Variants in ST8SIA1 observed in about 807,000 individuals in gnomAD.
The protein encoded by ST8SIA1 is alpha-N-acetylneuraminide alpha-2,8-sialyltransferase.
Under a neutral mutation model 35.9 loss-of-function variants are expected in ST8SIA1, and 16 were observed. The ratio of observed to expected loss-of-function variants is 0.45; its 90% confidence interval spans 0.30 to 0.68. ST8SIA1 has a LOEUF of 0.68. Among genes scored for constraint, ST8SIA1 ranks in the 30% least tolerant of loss-of-function variants. ST8SIA1 has a pLI of 0.09. For synonymous variants in ST8SIA1, 170 were observed against 169.6 expected, an observed-to-expected ratio of 1.00 and a Z score of -0.02; for missense variants, 383 against 453.6, an observed-to-expected ratio of 0.84 and a Z score of 1.41.
At chr12:22,315,539 G>A (rs1045883644) in intron 1 of ST8SIA1, among the ~76,000 whole-genome samples, 16 of 151,782 alleles carry the variant, frequency 1.1e-4, no homozygotes, top group Admixed American at 2.6e-4. Context: ...TCTACCTCCC[G>A]TGCTCCCTCC....
intron 1 of ST8SIA1, chr12:22,325,373 G>C (rs553238513): frequency 1.8e-4 from 127 of 696,050 alleles, no homozygotes; most frequent in African/African-American, 1.8e-3. Context: ...GTGTGGCTCT[G>C]AATTCATTTC....
intron 1 of ST8SIA1, among the ~76,000 whole-genome samples, chr12:22,327,213 C>G (rs1866692983): frequency 6.6e-6 from 1 of 152,178 alleles, no homozygotes; most frequent in Non-Finnish European, 1.5e-5. Flanking sequence ...TATTCTCCTC[C>G]CTGGACAAAC....
intron 2 of ST8SIA1, among the ~76,000 whole-genome samples, chr12:22,282,726 C>T (rs1866051645): frequency 6.6e-6 from 1 of 152,160 alleles, no homozygotes; most frequent in Non-Finnish European, 1.5e-5. Context: ...TGTTATAAAG[C>T]AGCCAGATGG....
At chr12:22,226,893 C>T (rs189707054) in intron 4 of ST8SIA1, among the ~76,000 whole-genome samples, 13 of 152,176 alleles carry the variant, frequency 8.5e-5, no homozygotes, top group East Asian at 3.9e-4. Context: ...ATTTCCTCTG[C>T]GAAAGCATGT....
chr12:22,205,283 AACT>A lies in ST8SIA1; in HGVS notation c.585-3248_585-3246del, dbSNP rs1478709464. Among the ~76,000 whole-genome samples the A allele has an allele frequency of 2.6e-5, 4 of 152,224 alleles. No individual in the cohort carries two copies. The East Asian group carries it at 7.7e-4, about 29-fold the overall frequency. ...ATATTTGTGTACTATATGAATAAAAAACTACTAAACAGTAATTTTTAAAAATAA... is the reference window on the plus strand; with the variant it reads ...ATATTTGTGTACTATATGAATAAAAAACTAAACAGTAATTTTTAAAAATAA... On this transcript the variant is annotated intron_variant, in intron 4 of 4. Coordinates refer to ENST00000396037, the MANE Select transcript of ST8SIA1 (RefSeq NM_003034.4).
At chr12:22,319,153 A>T (rs1866552906) in intron 1 of ST8SIA1, among the ~76,000 whole-genome samples, 1 of 152,206 alleles carries the variant, frequency 6.6e-6, no homozygotes, top group Non-Finnish European at 1.5e-5. Context: ...TGCATTTGCG[A>T]ATGTTAAATG....
chr12:22,285,336 T>A (rs7297765), intron 2 of ST8SIA1, among the ~76,000 whole-genome samples: 31,584 of 152,122 alleles, frequency 0.21, 3,295 homozygotes, highest in Middle Eastern at 0.32. Context: ...TAGGTTCTTG[T>A]ACTCAGTAAT....
At position 22,196,014 on chromosome 12, in the gene ST8SIA1, C is replaced by G. The variant is rs1864983364; in HGVS notation, c.*5538G>C. 6.6e-6 allele frequency: 1 copy of G among 152,152 alleles called. No individual in the cohort carries two copies. Among genetic ancestry groups the G allele is most frequent in the South Asian group, 2.1e-4 (1 of 4,832 alleles). The allele number at this position is 152,152 out of a possible 1,614,324, so 9.4% of individuals were successfully genotyped here. On this transcript the variant is annotated 3_prime_UTR_variant, in exon 5 of 5. Transcript: ENST00000396037. ...GATATTATTCTATAAAATTCTCAGA[C>G]AGCTTGGCATCATTGATTATATCCC...
intron 4 of ST8SIA1, among the ~76,000 whole-genome samples, chr12:22,214,667 CA>C (rs76262549): frequency 6.6e-6 from 1 of 151,254 alleles, no homozygotes; most frequent in Non-Finnish European, 1.5e-5. Context: ...GCAAATGAAA[CA>C]AAAAAAACAT....
chr12:22,288,166 T>C (rs919962368), intron 1 of ST8SIA1, among the ~76,000 whole-genome samples: 3 of 152,168 alleles, frequency 2.0e-5, no homozygotes, highest in African/African-American at 7.2e-5. Context: ...TTCCACTTAC[T>C]CATGAGTAAA....
intron 4 of ST8SIA1, among the ~76,000 whole-genome samples, chr12:22,229,714 G>A (rs1366551121): frequency 2.0e-5 from 3 of 152,042 alleles, no homozygotes; most frequent in African/African-American, 7.2e-5. Context: ...CAGGATCAAG[G>A]ATGGTTTGAT....
chr12:22,312,194 T>C (rs960155253), intron 1 of ST8SIA1, among the ~76,000 whole-genome samples: 14 of 152,174 alleles, frequency 9.2e-5, no homozygotes, highest in African/African-American at 3.1e-4. Flanking sequence ...CTCCTGGCTC[T>C]TTCTCCTGGA....
At chr12:22,302,017 G>A (rs1396735567) in intron 1 of ST8SIA1, among the ~76,000 whole-genome samples, 1 of 151,936 alleles carries the variant, frequency 6.6e-6, no homozygotes. Flanking sequence ...AAATAATCTG[G>A]GCAATATAAT....
chr12:22,282,057 T>G (rs1189522093), intron 2 of ST8SIA1, among the ~76,000 whole-genome samples: 4 of 152,112 alleles, frequency 2.6e-5, no homozygotes, highest in Non-Finnish European at 5.9e-5. Context: ...ATTTCTCCAT[T>G]TCTTATAAAG....
intron 1 of ST8SIA1, among the ~76,000 whole-genome samples, chr12:22,313,718 C>T (rs1866481482): frequency 3.3e-5 from 5 of 152,160 alleles, no homozygotes. Context: ...TTAACTTTCA[C>T]ACAGGTACTG....
In ST8SIA1 at chr12:22,195,980, A is replaced by C. The variant is rs564720280; in HGVS notation, c.*5572T>G. The C allele has an allele frequency of 6.6e-6, 1 of 152,336 alleles. No homozygotes were observed. The highest frequency in any genetic ancestry group is 1.5e-5 in the Non-Finnish European group (1 of 68,038). 9.4% of individuals were successfully genotyped at this position (152,336 alleles called of 1,614,324 possible). ...ATAGAAGCAGAAAGAGGCAGGATCA[A>C]TATATTTGGATATTATTCTATAAAA... On this transcript the variant is annotated 3_prime_UTR_variant, in exon 5 of 5. Transcript: ENST00000396037.
Position 22,334,417 on chromosome 12 carries a change from G to T in ST8SIA1, c.-185C>A. The T allele has an allele frequency of 1.7e-6, 1 of 600,258 alleles. No homozygotes were observed. The highest frequency in any genetic ancestry group is 2.8e-5 in the East Asian group (1 of 36,158). 37.2% of individuals were successfully genotyped at this position (600,258 alleles called of 1,614,324 possible). On this transcript the variant is annotated 5_prime_UTR_variant, in exon 1 of 5. Coordinates refer to ENST00000396037, the MANE Select transcript of ST8SIA1 (RefSeq NM_003034.4). ...GGTCAGCGCAAGGATTTTTTCAAATGCAACTTTTCCAAGGATTTCTTTCTA... is the reference window on the plus strand; with the variant it reads ...GGTCAGCGCAAGGATTTTTTCAAATTCAACTTTTCCAAGGATTTCTTTCTA...
At chr12:22,206,546 TG>T (rs1393200154) in intron 4 of ST8SIA1, among the ~76,000 whole-genome samples, 1 of 151,968 alleles carries the variant, frequency 6.6e-6, no homozygotes, top group Non-Finnish European at 1.5e-5. Context: ...CCCAGGGAAA[TG>T]GAATTCTCGA....
chr12:22,290,070 G>A (rs1055737461), intron 1 of ST8SIA1, among the ~76,000 whole-genome samples: 7 of 152,120 alleles, frequency 4.6e-5, no homozygotes, highest in South Asian at 2.1e-4. Context: ...AAACAAATAC[G>A]CCATAGAAAA....
Sources: gnomAD v4.1 joint callset for allele counts (sites outside exome capture counted in the v4.1 genomes callset) on GRCh38, gnomAD v4.1.1 for gene constraint, MANE v1.5 for transcripts, NCBI Gene and HGNC (gene_info 2026-07-23, HGNC 2026-07-21) for gene names.